SERINC5: variants seen among roughly 807,000 people sequenced by gnomAD.
The protein encoded by SERINC5 is chromosome 5 open reading frame 12.
Under a neutral mutation model 63.1 loss-of-function variants are expected in SERINC5, and 41 were observed. That is an observed-to-expected ratio of 0.65 (90% confidence interval 0.51 to 0.84). The LOEUF (loss-of-function observed/expected upper bound fraction) is 0.84, where lower values mean the gene tolerates loss of function less well. SERINC5 is among the 40% of genes least tolerant of loss of function. The pLI, the probability that SERINC5 is intolerant of heterozygous loss-of-function variation, is 0.00. For synonymous variants in SERINC5, 222 were observed against 215.2 expected (o/e 1.03, Z -0.28); for missense variants, 523 against 573.0 (o/e 0.91, Z 0.89).
At chr5:80,161,501 A>C (rs1365227844) in intron 7 of SERINC5, among the ~76,000 whole-genome samples, 3 of 152,006 alleles carry the variant, frequency 2.0e-5, no homozygotes, top group Non-Finnish European at 4.4e-5. Context: ...TGTCTTCTTT[A>C]GAAAAAAAAT....
chr5:80,187,419 A>C (rs970681052), intron 2 of SERINC5, among the ~76,000 whole-genome samples: 1 of 152,060 alleles, frequency 6.6e-6, no homozygotes, highest in Non-Finnish European at 1.5e-5. Flanking sequence ...ACTTTCCAGG[A>C]TAGTTTGTTT....
At chr5:80,214,930 T>G (rs1251958205) in intron 1 of SERINC5, among the ~76,000 whole-genome samples, 2 of 152,182 alleles carry the variant, frequency 1.3e-5, no homozygotes, top group Non-Finnish European at 2.9e-5. Context: ...ATTTTATGTA[T>G]GCATTTTTTA....
chr5:80,204,363 G>A (rs2112495040), intron 1 of SERINC5, among the ~76,000 whole-genome samples: 1 of 152,306 alleles, frequency 6.6e-6, no homozygotes, highest in East Asian at 1.9e-4. Context: ...GGTAGTTAGT[G>A]TCAGAATTGA....
intron 8 of SERINC5, among the ~76,000 whole-genome samples, chr5:80,156,176 T>C (rs1746507194): frequency 6.6e-6 from 1 of 152,214 alleles, no homozygotes; most frequent in Non-Finnish European, 1.5e-5. Context: ...TCTGGCTTCC[T>C]GCAATTTCTA....
At chr5:80,154,056 G>A (rs6859084) in intron 8 of SERINC5, among the ~76,000 whole-genome samples, 22,174 of 152,132 alleles carry the variant, frequency 0.15, 2,462 homozygotes, top group African/African-American at 0.31. Flanking sequence ...GACAGATCCC[G>A]TGACTATTCC....
At chr5:80,131,903 T>C (rs1744962889) in intron 11 of SERINC5, among the ~76,000 whole-genome samples, 1 of 152,060 alleles carries the variant, frequency 6.6e-6, no homozygotes, top group Admixed American at 6.5e-5. Flanking sequence ...TACTGTAAAT[T>C]CCAGACTGGG....
At position 80,202,910 on chromosome 5, in the gene SERINC5, G is replaced by C; in HGVS notation, c.171C>G (p.Thr57=). The change falls in exon 2 of 12, where the codon ACC becomes ACG. Residue 57 remains threonine, a synonymous_variant. Coordinates refer to ENST00000507668, the MANE Select transcript of SERINC5 (RefSeq NM_001174072.3). ...VVLCCIMMST[T]VAHKMKEHIP... ...CGTGCTCTTTCATCTTGTGAGCCAC[G>C]GTTGTTGACATCATGATGCAGCAGA... 6.2e-7 allele frequency: 1 copy of C among 1,611,548 alleles called. No individual in the cohort carries two copies. The highest frequency in any genetic ancestry group is 1.3e-5 in the African/African-American group (1 of 74,994).
chr5:80,143,840 A>G (rs765403667), intron 11 of SERINC5, 30 bp from the exon 12 acceptor site: 1 of 1,535,204 alleles, frequency 6.5e-7, no homozygotes, highest in South Asian at 1.2e-5. Flanking sequence ...AGCCGCGGTC[A>G]AAGCAGGAAT....
intron 11 of SERINC5, among the ~76,000 whole-genome samples, chr5:80,120,928 T>A (rs1243638838): frequency 6.6e-6 from 1 of 152,142 alleles, no homozygotes; most frequent in Non-Finnish European, 1.5e-5. Context: ...GCTCTTGTTG[T>A]CCAGGCTGGA....
chr5:80,133,386 G>A (rs911109038), intron 11 of SERINC5, among the ~76,000 whole-genome samples: 8 of 152,180 alleles, frequency 5.3e-5, no homozygotes, highest in East Asian at 1.9e-4. Context: ...GTTACATACT[G>A]GCAGCTCAAT....
At chr5:80,176,163 A>G (rs1166185145) in intron 4 of SERINC5, among the ~76,000 whole-genome samples, 2 of 152,186 alleles carry the variant, frequency 1.3e-5, no homozygotes, top group Non-Finnish European at 2.9e-5. Context: ...TGGGCAACAG[A>G]GCGAGACTCT....
chr5:80,183,136 G>A (rs1748561177), intron 2 of SERINC5, among the ~76,000 whole-genome samples: 1 of 152,146 alleles, frequency 6.6e-6, no homozygotes. Context: ...AGGCCACTGG[G>A]AACAGGTGAA....
chr5:80,182,544 G>A (rs13180611), intron 2 of SERINC5, among the ~76,000 whole-genome samples: 10 of 29,482 alleles, frequency 3.4e-4, no homozygotes, highest in African/African-American at 2.1e-3. Context: ...TCATCTGACC[G>A]CCCCCCCCCC....
intron 11 of SERINC5, chr5:80,116,011 G>T (rs191468664): frequency 1.1e-5 from 3 of 280,056 alleles, no homozygotes; most frequent in African/African-American, 6.7e-5. Context: ...CCACACACAC[G>T]TGAAAGAAAT....
chr5:80,229,050 T>TGGGCGGGG (rs1751304306), intron 1 of SERINC5, among the ~76,000 whole-genome samples: 1 of 94,104 alleles, frequency 1.1e-5, no homozygotes, highest in Non-Finnish European at 2.1e-5. Flanking sequence ...TTTTTTTTTT[T>TGGGCGGGG]GGGGATGGAG....
intron 1 of SERINC5, among the ~76,000 whole-genome samples, chr5:80,251,899 T>C (rs979156164): frequency 2.7e-5 from 4 of 149,670 alleles, no homozygotes; most frequent in Non-Finnish European, 5.9e-5. Context: ...AAGAAGCCTA[T>C]TAATTTCAGC....
At chr5:80,156,729 C>T (rs930578979) in intron 8 of SERINC5, among the ~76,000 whole-genome samples, 1 of 152,128 alleles carries the variant, frequency 6.6e-6, no homozygotes, top group Non-Finnish European at 1.5e-5. Flanking sequence ...ATCAGACCAG[C>T]CCTTACCAAT....
At chr5:80,253,965 T>C (rs961901301) in intron 1 of SERINC5, among the ~76,000 whole-genome samples, 6 of 152,330 alleles carry the variant, frequency 3.9e-5, no homozygotes, top group African/African-American at 1.4e-4. Flanking sequence ...CTCTTTTTGC[T>C]CATTGCCCAG....
Position 80,200,935 on chromosome 5 carries a change from G to T in SERINC5, c.195+1951C>A, listed in dbSNP as rs181731259. Among the ~76,000 whole-genome samples, 244 of 151,192 alleles carry T rather than the reference G, an allele frequency of 1.6e-3. 2 individuals are homozygous for T. Among genetic ancestry groups the T allele is most frequent in the African/African-American group, 5.7e-3 (234 of 41,206 alleles). ...ATGGTGAAACCCTATCTCTACTAAAGAAAGATACGAAAATTTAGCCAGGCA... is the reference window on the plus strand; with the variant it reads ...ATGGTGAAACCCTATCTCTACTAAATAAAGATACGAAAATTTAGCCAGGCA... On this transcript the variant is annotated intron_variant, in intron 2 of 11. Coordinates refer to ENST00000507668, the MANE Select transcript of SERINC5 (RefSeq NM_001174072.3).
Sources: gnomAD v4.1 joint callset for allele counts (sites outside exome capture counted in the v4.1 genomes callset) on GRCh38, gnomAD v4.1.1 for gene constraint, MANE v1.5 for transcripts, NCBI Gene and HGNC (gene_info 2026-07-23, HGNC 2026-07-21) for gene names.